Variants in ZBTB7C observed in about 807,000 individuals in gnomAD.
ZBTB7C encodes the protein zinc finger and BTB domain containing 7C.
A neutral mutation model predicts 25.7 loss-of-function variants in ZBTB7C; 8 were observed. The observed-to-expected ratio is 0.31, with a 90% CI of 0.18 to 0.56. The LOEUF is 0.56. Ranked by LOEUF, ZBTB7C falls within the 20% of genes least tolerant of loss-of-function variation. ZBTB7C has a pLI of 0.91. For synonymous variants in ZBTB7C, 394 were observed against 369.0 expected (o/e 1.07, Z -0.78); for missense variants, 824 against 855.2 (o/e 0.96, Z 0.46).
intron 2 of ZBTB7C, among the ~76,000 whole-genome samples, chr18:48,191,503 G>A (rs1250242255): frequency 6.6e-6 from 1 of 152,270 alleles, no homozygotes; most frequent in East Asian, 1.9e-4. Flanking sequence ...GGCCAGCAAG[G>A]CTGGCTTTTC....
chr18:48,079,817 A>G (rs1598839720), intron 3 of ZBTB7C, among the ~76,000 whole-genome samples: 1 of 152,348 alleles, frequency 6.6e-6, no homozygotes, highest in Middle Eastern at 3.4e-3. Flanking sequence ...GGGAGGCTAC[A>G]GGGGAGCCGG....
upstream of ZBTB7C, among the ~76,000 whole-genome samples, chr18:48,411,413 A>G (rs2048383484): frequency 6.6e-6 from 1 of 152,218 alleles, no homozygotes; most frequent in Non-Finnish European, 1.5e-5. Flanking sequence ...AAAATAATAT[A>G]TCTCGCTTTC....
intron 3 of ZBTB7C, among the ~76,000 whole-genome samples, chr18:48,114,152 G>A (rs1208538395): frequency 2.0e-5 from 3 of 152,186 alleles, no homozygotes; most frequent in Admixed American, 1.3e-4. Context: ...TATAGGTGAG[G>A]ATGTGGGGAC....
chr18:48,068,341 G>A (rs558560375), intron 3 of ZBTB7C, among the ~76,000 whole-genome samples: 42 of 151,864 alleles, frequency 2.8e-4, no homozygotes, highest in African/African-American at 8.7e-4. Context: ...GGGTTTCACC[G>A]TGTTAGCCAG....
At chr18:48,056,380 A>T (rs1263870446) in intron 3 of ZBTB7C, among the ~76,000 whole-genome samples, 2 of 152,240 alleles carry the variant, frequency 1.3e-5, no homozygotes, top group Non-Finnish European at 2.9e-5. Context: ...GCTGATTCTG[A>T]AGTTCATATA....
At chr18:48,348,293 A>G (rs2046786787) in intron 1 of ZBTB7C, among the ~76,000 whole-genome samples, 2 of 152,204 alleles carry the variant, frequency 1.3e-5, no homozygotes, top group Non-Finnish European at 2.9e-5. Flanking sequence ...CCTAGGTCCG[A>G]GTCTAGCTCC....
intron 2 of ZBTB7C, among the ~76,000 whole-genome samples, chr18:48,321,940 G>A (rs1282688042): frequency 6.6e-6 from 1 of 152,228 alleles, no homozygotes; most frequent in Non-Finnish European, 1.5e-5. Context: ...AACACTCAGA[G>A]AAATTACTCT....
intron 2 of ZBTB7C, among the ~76,000 whole-genome samples, chr18:48,332,673 CTTT>C (rs58216606): frequency 0.29 from 24,354 of 85,214 alleles, 3,026 homozygotes; most frequent in East Asian, 0.58. Flanking sequence ...CTCTCCTTTG[CTTT>C]TTTTTTTTTT....
chr18:48,029,948 A>T, intron 4 of ZBTB7C, 37 bp from the exon 5 acceptor site: 1 of 1,606,644 alleles, frequency 6.2e-7, no homozygotes, highest in Non-Finnish European at 8.5e-7. Context: ...CCCGCAGGGA[A>T]CACCAGGAGC....
At chr18:48,031,188 T>C (rs1285253044) in intron 4 of ZBTB7C, among the ~76,000 whole-genome samples, 1 of 152,126 alleles carries the variant, frequency 6.6e-6, no homozygotes, top group Non-Finnish European at 1.5e-5. Context: ...TCCTGGCCAC[T>C]AGAGGTCTCA....
rs143825394 is a variant in ZBTB7C, at chr18:48,319,112, CTG to C, written c.-79+19060_-79+19061del. ...ATTCATGAACGATGCCAGAATGCCT[CTG>C]TGTGTGTGTGTGTGTGTGTGTGTGT... On this transcript the variant is annotated intron_variant, in intron 2 of 4. Coordinates refer to ENST00000590800, the MANE Select transcript of ZBTB7C (RefSeq NM_001318841.2). Among the ~76,000 whole-genome samples the C allele has an allele frequency of 1.4e-3, 199 of 147,162 alleles. 1 individual carries two copies. Among genetic ancestry groups the C allele is most frequent in the Middle Eastern group, 3.4e-3 (1 of 292 alleles).
intron 2 of ZBTB7C, among the ~76,000 whole-genome samples, chr18:48,273,682 C>G (rs899894478): frequency 6.6e-6 from 1 of 151,640 alleles, no homozygotes; most frequent in Admixed American, 6.6e-5. Context: ...AAGGTAGAAA[C>G]GTTAAGATTG....
intron 1 of ZBTB7C, among the ~76,000 whole-genome samples, chr18:48,393,503 A>G (rs1479100258): frequency 1.3e-5 from 2 of 152,188 alleles, no homozygotes; most frequent in East Asian, 3.9e-4. Context: ...TGGCATGTAA[A>G]TTATTCTTCA....
chr18:48,250,151 T>G (rs12971115), intron 2 of ZBTB7C, among the ~76,000 whole-genome samples: 1 of 152,164 alleles, frequency 6.6e-6, no homozygotes, highest in Admixed American at 6.5e-5. Context: ...AGGGGTCAAG[T>G]GGTTCCACTG....
intron 1 of ZBTB7C, chr18:48,408,260 G>A (rs2048327754): frequency 6.6e-6 from 1 of 152,358 alleles, no homozygotes; most frequent in Non-Finnish European, 1.5e-5. Flanking sequence ...GGCTCCTCCT[G>A]GCCTTCATCC....
intron 3 of ZBTB7C, among the ~76,000 whole-genome samples, chr18:48,127,668 C>G (rs891362945): frequency 6.6e-6 from 1 of 152,228 alleles, no homozygotes; most frequent in African/African-American, 2.4e-5. Flanking sequence ...CTCACTCGAC[C>G]TTTCATCCCA....
intron 3 of ZBTB7C, among the ~76,000 whole-genome samples, chr18:48,177,560 CGTGTGTGT>C (rs373052877): frequency 5.3e-5 from 8 of 151,736 alleles, no homozygotes; most frequent in Non-Finnish European, 8.8e-5. Flanking sequence ...AGGGTGTGTG[CGTGTGTGT>C]GTGTATACGC....
At chr18:48,254,394 C>T (rs1240359196) in intron 2 of ZBTB7C, among the ~76,000 whole-genome samples, 1 of 152,190 alleles carries the variant, frequency 6.6e-6, no homozygotes, top group East Asian at 1.9e-4. Context: ...GGGTGATCAG[C>T]CTTCTCCTTT....
chr18:48,218,024 A>G (rs2042865609), intron 2 of ZBTB7C, among the ~76,000 whole-genome samples: 1 of 152,132 alleles, frequency 6.6e-6, no homozygotes, highest in African/African-American at 2.4e-5. Flanking sequence ...CTATTCAGGG[A>G]GACTGCCACA....
Sources: gnomAD v4.1 joint callset for allele counts (sites outside exome capture counted in the v4.1 genomes callset) on GRCh38, gnomAD v4.1.1 for gene constraint, MANE v1.5 for transcripts, NCBI Gene and HGNC (gene_info 2026-07-23, HGNC 2026-07-21) for gene names.